SAMD14: variants seen among roughly 807,000 people sequenced by gnomAD.
The protein encoded by SAMD14 is sterile alpha motif domain-containing protein 14.
A neutral mutation model predicts 46.2 loss-of-function variants in SAMD14; 27 were observed. The ratio of observed to expected loss-of-function variants is 0.58; its 90% confidence interval spans 0.43 to 0.81. SAMD14 has a LOEUF of 0.81. SAMD14 is among the 30% of genes least tolerant of loss of function. The probability of loss-of-function intolerance (pLI) is 0.00; values close to 1 mark genes in which losing one functional copy is unlikely to be tolerated. For missense variants in SAMD14, 559 were observed against 582.2 expected, an observed-to-expected ratio of 0.96 and a Z score of 0.41; for synonymous variants, 241 against 254.3, an observed-to-expected ratio of 0.95 and a Z score of 0.50.
At chr17:50,128,008 C>A (rs1050292426) in intron 1 of SAMD14, among the ~76,000 whole-genome samples, 5 of 152,164 alleles carry the variant, frequency 3.3e-5, no homozygotes, top group East Asian at 1.9e-4. Flanking sequence ...TCATCTCCCC[C>A]CCACCAATCA....
At chr17:50,114,348 C>G in intron 7 of SAMD14, 42 bp from the exon 8 acceptor site, 1 of 1,614,070 alleles carries the variant, frequency 6.2e-7, no homozygotes. Flanking sequence ...GAGTTCACCC[C>G]CAACCCACCA....
intron 2 of SAMD14, among the ~76,000 whole-genome samples, chr17:50,120,965 T>C (rs530563679): frequency 2.6e-4 from 40 of 152,358 alleles, no homozygotes. Context: ...ATTTATGGTC[T>C]TTCTCCACCC....
At chr17:50,125,994 T>C (rs1311871670) in intron 1 of SAMD14, among the ~76,000 whole-genome samples, 2 of 152,062 alleles carry the variant, frequency 1.3e-5, no homozygotes, top group Non-Finnish European at 2.9e-5. Flanking sequence ...ACCATTTGAA[T>C]AGGCTTTCAA....
chr17:50,128,950 C>T (rs1911906444), intron 1 of SAMD14, among the ~76,000 whole-genome samples: 1 of 152,162 alleles, frequency 6.6e-6, no homozygotes, highest in South Asian at 2.1e-4. Flanking sequence ...GAGGAGAAAG[C>T]GACAGAGAGA....
At position 50,110,489 on chromosome 17, in the gene SAMD14, C is replaced by G. The variant is rs1238231754; in HGVS notation, c.*2404G>C. ...CAAGTGGATGTCCCGTTGCCTTATTCCCCCAGCCCACAAAGGCACCCTGGC... is the reference window on the plus strand; with the variant it reads ...CAAGTGGATGTCCCGTTGCCTTATTGCCCCAGCCCACAAAGGCACCCTGGC... On this transcript the variant is annotated 3_prime_UTR_variant, in exon 10 of 10. Transcript: ENST00000330175. 1.3e-5 allele frequency: 2 copies of G among 159,342 alleles called. No homozygotes were observed. Among genetic ancestry groups the G allele is most frequent in the Non-Finnish European group, 2.7e-5 (2 of 72,982 alleles). 9.9% of individuals were successfully genotyped at this position (159,342 alleles called of 1,614,324 possible). A position where few individuals can be genotyped will look rare whatever the true frequency, so the allele number is the denominator to read the frequency against.
rs749896841 is a variant in SAMD14 at position 50,114,060 on chromosome 17, G to A, written c.962C>T (p.Pro321Leu). The A allele has an allele frequency of 2.5e-6, 4 of 1,613,564 alleles. No individual in the cohort carries two copies. Among genetic ancestry groups the A allele is most frequent in the African/African-American group, 2.7e-5 (2 of 74,912 alleles). ...SSDEFLDEPL[P>L]PVHHWTSQQV... ...CTGGCTGGTCCAGTGGTGGACAGGG[G>A]GGAGGGGTTCATCCAGGAACTGGGC... The change falls in exon 9 of 10, where the codon CCC becomes CTC. Residue 321 changes from proline (P) to leucine (L), a missense_variant. Pro to Leu is a moderately conservative substitution (Grantham distance 98). Transcript: ENST00000330175.
At chr17:50,118,134 A>C (rs1433326446) in intron 3 of SAMD14, 27 bp downstream of exon 3, 1 of 1,561,606 alleles carries the variant, frequency 6.4e-7, no homozygotes, top group South Asian at 1.2e-5. Context: ...GGGAGGGTGT[A>C]TATGTGTTTT....
At position 50,112,171 on chromosome 17, in the gene SAMD14, A is replaced by T. The variant is rs1910885131; in HGVS notation, c.*722T>A. Reference sequence around the variant, plus strand: ...AAGACCAGGTCTTGAATGGGCCCTGAGAGGCAGACCTGTGTGGTGTCATCT... The same window carrying T: ...AAGACCAGGTCTTGAATGGGCCCTGTGAGGCAGACCTGTGTGGTGTCATCT... On this transcript the variant is annotated 3_prime_UTR_variant, in exon 10 of 10. Transcript: ENST00000330175. 1 of 152,218 alleles carries T rather than the reference A, an allele frequency of 6.6e-6. No homozygotes were observed. The highest frequency in any genetic ancestry group is 6.5e-5 in the Admixed American group (1 of 15,290). The allele number at this position is 152,218 out of a possible 1,614,324, so 9.4% of individuals were successfully genotyped here.
In SAMD14 at chr17:50,112,817, C is replaced by T; in HGVS notation, c.*76G>A. 6.6e-7 allele frequency: 1 copy of T among 1,505,926 alleles called. No individual in the cohort carries two copies. 93.3% of individuals were successfully genotyped at this position (1,505,926 alleles called of 1,614,324 possible). A position where few individuals can be genotyped will look rare whatever the true frequency, so the allele number is the denominator to read the frequency against. On this transcript the variant is annotated 3_prime_UTR_variant, in exon 10 of 10. Transcript: ENST00000330175. ...CTAGCCCAAGTGCAGCGCCCAGGTC[C>T]AGCCTCCCTGGTGAGGCCTGTGCCC...
chr17:50,116,298 T>C, intron 4 of SAMD14: 1 of 678,900 alleles, frequency 1.5e-6, no homozygotes, highest in Non-Finnish European at 2.4e-6. Context: ...ATCTACCTGC[T>C]TCATGGGACC....
intron 2 of SAMD14, among the ~76,000 whole-genome samples, chr17:50,121,069 C>T (rs1911478329): frequency 6.6e-6 from 1 of 152,206 alleles, no homozygotes; most frequent in African/African-American, 2.4e-5. Flanking sequence ...AGGTGCTTAG[C>T]ACACCCTTTT....
chr17:50,117,568 T>A lies in SAMD14; in HGVS notation c.338A>T (p.Glu113Val). The change falls in exon 4 of 10, where the codon GAG (glutamate) becomes GTG (valine). Residue 113 changes from glutamate to valine, a missense_variant. By Grantham distance (121) the Glu-to-Val change is moderately radical. Coordinates refer to ENST00000330175, the MANE Select transcript of SAMD14 (RefSeq NM_001257359.2). ...GCGTGTGAGCGGCGAGGGCGGCGGC[T>A]CGTCCTCGTCCAGGCTGCGCCGCAA... ...PGLRRSLDEDEPPPSPLTRYR... is the reference protein window; with the variant it reads ...PGLRRSLDEDVPPPSPLTRYR... 1 of 1,549,818 alleles carries A rather than the reference T, an allele frequency of 6.5e-7. No individual in the cohort carries two copies. Among genetic ancestry groups the A allele is most frequent in the Non-Finnish European group, 8.6e-7 (1 of 1,158,238 alleles).
intron 1 of SAMD14, among the ~76,000 whole-genome samples, chr17:50,126,185 T>C (rs1390394692): frequency 2.0e-5 from 3 of 152,164 alleles, no homozygotes; most frequent in Admixed American, 1.3e-4. Context: ...GGCACTGAGC[T>C]AGATCATACA....
At position 50,115,718 on chromosome 17, in the gene SAMD14, G is replaced by C; in HGVS notation, c.668C>G (p.Ser223Ter). 3 of 1,606,468 alleles carry C rather than the reference G, an allele frequency of 1.9e-6. No homozygotes were observed. In the South Asian group the frequency reaches 3.3e-5, roughly 18 times the overall value. Residue 223 changes from serine to a stop codon, truncating the protein, a stop_gained, in exon 7 of 10, where the codon TCA (serine) becomes TGA (stop). Transcript: ENST00000330175. LOFTEE classifies it high-confidence loss of function. This position sits in a 1 kb window ranked among gnomAD's most constrained non-coding sequence, Gnocchi z 5.3. Reference protein sequence around the residue: ...SNRLSMGSRESVEGSGRSGGS... With the variant: ...SNRLSMGSRE ...CCCTGACCTGCCGGACCCCTCCACT[G>C]ACTCCCTGCAGAGAGAGTGTCCAGC...
At chr17:50,128,511 CA>C (rs1176741781) in intron 1 of SAMD14, among the ~76,000 whole-genome samples, 8 of 146,742 alleles carry the variant, frequency 5.5e-5, no homozygotes, top group East Asian at 3.9e-4. Flanking sequence ...CACACACACA[CA>C]CCCCCATTCA....
Position 50,116,038 on chromosome 17 carries a change from G to A in SAMD14, c.552C>T (p.Leu184=), listed in dbSNP as rs377751890. The change falls in exon 5 of 10, where the codon CTC becomes CTT. Residue 184 remains leucine, a synonymous_variant. Transcript: ENST00000330175. Reference sequence around the variant, plus strand: ...GGAACTTTCGGCGAGTCTTCTTATCGAGGCCGATGGTGGGGCTGGCGGGCT... The same window carrying A: ...GGAACTTTCGGCGAGTCTTCTTATCAAGGCCGATGGTGGGGCTGGCGGGCT... ...PPEPASPTIG[L]DKKTRRKFLD... is the part of the protein sequence containing the mutation. 27 of 1,613,898 alleles carry A rather than the reference G, an allele frequency of 1.7e-5. No individual in the cohort carries two copies. The highest frequency in any genetic ancestry group is 6.6e-5 in the South Asian group (6 of 91,012).
intron 2 of SAMD14, chr17:50,124,217 A>G (rs1459919992): frequency 2.2e-6 from 1 of 455,862 alleles, no homozygotes; most frequent in East Asian, 7.0e-5. Context: ...TTCTTTCTCC[A>G]GTCCACACAA....
intron 7 of SAMD14, chr17:50,114,853 C>G (rs1330426139): frequency 6.1e-6 from 1 of 163,294 alleles, no homozygotes; most frequent in African/African-American, 2.4e-5. Context: ...TGATTTTCTC[C>G]TCTGCCCAGC....
chr17:50,121,721 T>C (rs1455222719), intron 2 of SAMD14, among the ~76,000 whole-genome samples: 1 of 152,210 alleles, frequency 6.6e-6, no homozygotes, highest in Non-Finnish European at 1.5e-5. Flanking sequence ...CAGCTCTCTA[T>C]TCAAGGCCTG....
Sources: gnomAD v4.1 joint callset for allele counts (sites outside exome capture counted in the v4.1 genomes callset) on GRCh38, gnomAD v4.1.1 for gene constraint, Gnocchi (gnomAD v3.1) non-coding constraint, MANE v1.5 for transcripts, NCBI Gene and HGNC (gene_info 2026-07-23, HGNC 2026-07-21) for gene names.